The following DLG2 variants were observed in gnomAD, a reference collection of about 807,000 sequenced individuals.
DLG2 encodes the protein disks large homolog 2.
In DLG2, 45 loss-of-function variants were observed where a neutral mutation model predicts 132.5. The ratio of observed to expected loss-of-function variants is 0.34; its 90% confidence interval spans 0.27 to 0.44. The LOEUF (loss-of-function observed/expected upper bound fraction) is 0.44, where lower values mean the gene tolerates loss of function less well. DLG2 is among the 20% of genes least tolerant of loss of function. DLG2 has a pLI of 1.00. For synonymous variants in DLG2, 424 were observed against 419.6 expected (o/e 1.01, Z -0.13); for missense variants, 1,045 against 1,196.9 (o/e 0.87, Z 1.87).
intron 18 of DLG2, among the ~76,000 whole-genome samples, chr11:83,640,475 C>T (rs2066187942): frequency 6.6e-6 from 1 of 152,154 alleles, no homozygotes; most frequent in Non-Finnish European, 1.5e-5. Context: ...GTAATCACTG[C>T]TCCAGGGATG....
intron 6 of DLG2, among the ~76,000 whole-genome samples, chr11:85,013,842 G>T (rs2059349627): frequency 1.3e-5 from 2 of 152,128 alleles, no homozygotes; most frequent in Admixed American, 1.3e-4. Flanking sequence ...AGCAGTTAGG[G>T]TTTATAGCAA....
intron 21 of DLG2, chr11:83,486,138 T>C: frequency 1.6e-6 from 1 of 612,702 alleles, no homozygotes; most frequent in Non-Finnish European, 2.9e-6. Flanking sequence ...GGTTGAGAAC[T>C]GCCCCCAAAT....
intron 6 of DLG2, among the ~76,000 whole-genome samples, chr11:85,015,713 T>G (rs150679708): frequency 1.7e-4 from 26 of 152,310 alleles, no homozygotes; most frequent in African/African-American, 5.5e-4. Flanking sequence ...ACCGTGCCTG[T>G]TACTTAGAAA....
chr11:84,873,440 GATA>G (rs916069066), intron 6 of DLG2, among the ~76,000 whole-genome samples: 10 of 152,198 alleles, frequency 6.6e-5, no homozygotes, highest in African/African-American at 2.4e-4. Context: ...AGGAAATGTA[GATA>G]ATAAGTTTGT....
intron 3 of DLG2, among the ~76,000 whole-genome samples, chr11:85,516,181 A>G (rs2094165036): frequency 6.6e-6 from 1 of 152,060 alleles, no homozygotes; most frequent in Non-Finnish European, 1.5e-5. Context: ...TGAAAACTCA[A>G]CAATCTTCTC....
intron 18 of DLG2, among the ~76,000 whole-genome samples, chr11:83,643,064 T>A (rs2067043904): frequency 1.3e-5 from 2 of 152,166 alleles, no homozygotes; most frequent in Non-Finnish European, 2.9e-5. Context: ...ATTACAAGAC[T>A]GCTGTGAAGA....
At chr11:83,481,874 C>T (rs1288222061) in intron 22 of DLG2, among the ~76,000 whole-genome samples, 2 of 152,020 alleles carry the variant, frequency 1.3e-5, no homozygotes, top group African/African-American at 2.4e-5. Flanking sequence ...AAAGAGCAAA[C>T]AAACATTTGC....
At chr11:84,028,555 A>T (rs1192040184) in intron 11 of DLG2, among the ~76,000 whole-genome samples, 1 of 152,134 alleles carries the variant, frequency 6.6e-6, no homozygotes, top group Non-Finnish European at 1.5e-5. Flanking sequence ...GCAAACACAC[A>T]TGATAAAAAG....
intron 6 of DLG2, among the ~76,000 whole-genome samples, chr11:84,539,733 G>A (rs982990481): frequency 6.6e-6 from 1 of 152,126 alleles, no homozygotes; most frequent in East Asian, 1.9e-4. Flanking sequence ...AACCAAAGAG[G>A]AGCCCACATT....
chr11:83,598,041 C>G (rs1314952624), intron 19 of DLG2, among the ~76,000 whole-genome samples: 1 of 152,162 alleles, frequency 6.6e-6, no homozygotes, highest in Non-Finnish European at 1.5e-5. Flanking sequence ...CTGATGCTCC[C>G]TATTTTAGTC....
intron 17 of DLG2, among the ~76,000 whole-genome samples, chr11:83,827,560 T>G (rs141311945): frequency 4.9e-4 from 74 of 152,314 alleles, no homozygotes; most frequent in African/African-American, 1.7e-3. Context: ...TCACGTATCT[T>G]GAAACACACT....
chr11:84,194,219 A>T (rs2096469088), intron 8 of DLG2, among the ~76,000 whole-genome samples: 3 of 151,766 alleles, frequency 2.0e-5, no homozygotes, highest in African/African-American at 7.3e-5. Flanking sequence ...TTGTGTCCAG[A>T]ATTGGTGGGT....
intron 3 of DLG2, among the ~76,000 whole-genome samples, chr11:85,592,700 C>A (rs530452889): frequency 1.3e-5 from 2 of 152,218 alleles, no homozygotes; most frequent in African/African-American, 4.8e-5. Flanking sequence ...CCTGTAACCC[C>A]AGCACTTTGG....
chr11:84,210,784 C>A (rs78748145), intron 8 of DLG2, among the ~76,000 whole-genome samples: 1 of 151,818 alleles, frequency 6.6e-6, no homozygotes, highest in African/African-American at 2.4e-5. Context: ...GTTTAAGGAA[C>A]GGCAAAACTA....
intron 19 of DLG2, among the ~76,000 whole-genome samples, chr11:83,565,448 TA>T (rs2096690302): frequency 6.6e-6 from 1 of 152,246 alleles, no homozygotes; most frequent in Non-Finnish European, 1.5e-5. Context: ...TGTGCAGTTT[TA>T]AAACGTCAGT....
intron 7 of DLG2, among the ~76,000 whole-genome samples, chr11:84,413,600 C>T (rs1353431296): frequency 6.6e-6 from 1 of 152,134 alleles, no homozygotes; most frequent in Non-Finnish European, 1.5e-5. Flanking sequence ...AAATCTCCAA[C>T]CTACCTGTTC....
At chr11:83,493,877 C>G (rs1235857183) in intron 21 of DLG2, among the ~76,000 whole-genome samples, 1 of 152,098 alleles carries the variant, frequency 6.6e-6, no homozygotes, top group Admixed American at 6.6e-5. Flanking sequence ...GGGACTTTAA[C>G]AATAATAGAA....
At chr11:85,016,964 G>T (rs144887364) in intron 6 of DLG2, among the ~76,000 whole-genome samples, 14 of 152,210 alleles carry the variant, frequency 9.2e-5, no homozygotes, top group Non-Finnish European at 1.9e-4. Context: ...GTCAAATCTG[G>T]CTTGCTACAT....
chr11:84,046,702 C>T (rs1332918777), intron 11 of DLG2, among the ~76,000 whole-genome samples: 2 of 151,506 alleles, frequency 1.3e-5, no homozygotes, highest in African/African-American at 2.4e-5. Context: ...CTTTATTTTG[C>T]AATTTTTCAA....
Sources: allele counts gnomAD v4.1 joint callset (sites outside exome capture counted in the v4.1 genomes callset), GRCh38; gene constraint gnomAD v4.1.1; transcripts MANE v1.5; gene names NCBI Gene and HGNC (gene_info 2026-07-23, HGNC 2026-07-21).